The following FURIN variants were observed in gnomAD, a reference collection of about 807,000 sequenced individuals.
The protein encoded by FURIN is FES upstream region.
A neutral mutation model predicts 89.2 loss-of-function variants in FURIN; 18 were observed. The observed-to-expected ratio is 0.20, with a 90% CI of 0.14 to 0.30. The LOEUF (loss-of-function observed/expected upper bound fraction) is 0.30, where lower values mean the gene tolerates loss of function less well. FURIN is among the 10% of genes least tolerant of loss of function. FURIN has a pLI of 1.00. For missense variants in FURIN, 879 were observed against 1,100.5 expected, an observed-to-expected ratio of 0.80 and a Z score of 2.85; for synonymous variants, 508 against 466.4, an observed-to-expected ratio of 1.09 and a Z score of -1.15.
chr15:90,870,824 C>T lies in FURIN; in HGVS notation c.-160+2113C>T, dbSNP rs140531037. On this transcript the variant is annotated intron_variant, in intron 1 of 15. Transcript: ENST00000268171. ...GCGCAAATTATTTAAACGTTGTGCG[C>T]CTCAGTTTCCTTATCTGTAAAATGG... is the stretch of plus-strand genomic sequence containing the variant. 2.1e-3 allele frequency among the ~76,000 whole-genome samples: 316 copies of T among 152,232 alleles called. 2 individuals carry two copies. Among genetic ancestry groups the T allele is most frequent in the African/African-American group, 7.2e-3 (299 of 41,514 alleles).
At chr15:90,871,173 A>T (rs1441219875) in intron 1 of FURIN, among the ~76,000 whole-genome samples, 1 of 152,098 alleles carries the variant, frequency 6.6e-6, no homozygotes, top group Non-Finnish European at 1.5e-5. Context: ...TTCGTCGCCC[A>T]GGAGTGGGGA....
In FURIN at chr15:90,876,241, C is replaced by T. The variant is rs766032406; in HGVS notation, c.178-14C>T. The T allele has an allele frequency of 3.9e-6, 6 of 1,553,800 alleles. No homozygotes were observed. Among genetic ancestry groups the T allele is most frequent in the East Asian group, 2.2e-5 (1 of 44,624 alleles). On this transcript the variant is annotated splice_polypyrimidine_tract_variant and intron_variant, in intron 2 of 15. Transcript: ENST00000268171. The surrounding 1 kb of genome is among the most constrained non-coding windows in gnomAD (Gnocchi z 5.0). ...AGATGGAAAGCCCAGCTCAGTCTCC[C>T]TGCTCTATTGCAGATCTTCGGGGAC...
chr15:90,876,286 G>A lies in FURIN; in HGVS notation c.209G>A (p.Arg70Gln). 6.2e-7 allele frequency: 1 copy of A among 1,612,046 alleles called. No individual in the cohort carries two copies. The highest frequency in any genetic ancestry group is 8.5e-7 in the Non-Finnish European group (1 of 1,178,388). ...IFGDYYHFWHRGVTKRSLSPH... is the reference protein window; with the variant it reads ...IFGDYYHFWHQGVTKRSLSPH... ...GGGGACTATTACCACTTCTGGCATC[G>A]AGGAGTGACGAAGCGGTCCCTGTCG... is the stretch of plus-strand genomic sequence containing the variant. The change falls in exon 3 of 16, where the codon CGA becomes CAA. Residue 70 changes from arginine to glutamine, a missense_variant. By Grantham distance (43) the Arg-to-Gln change is conservative. Coordinates refer to ENST00000268171, the MANE Select transcript of FURIN (RefSeq NM_002569.4). This position sits in a 1 kb window ranked among gnomAD's most constrained non-coding sequence, Gnocchi z 5.0.
In FURIN at chr15:90,876,495, C is replaced by A. The variant is rs374973196; in HGVS notation, c.310C>A (p.Arg104=). 6.2e-7 allele frequency: 1 copy of A among 1,613,876 alleles called. No homozygotes were observed. Among genetic ancestry groups the A allele is most frequent in the African/African-American group, 1.3e-5 (1 of 75,006 alleles). Residue 104 remains arginine (R), a synonymous_variant, in exon 4 of 16, where the codon CGG becomes AGG. Transcript: ENST00000268171. This position sits in a 1 kb window ranked among gnomAD's most constrained non-coding sequence, Gnocchi z 5.0. ...GCTGGAACAGCAGGTGGCAAAGCGA[C>A]GGACTAAACGGGACGTGTACCAGGA... ...QWLEQQVAKR[R]TKRDVYQEPT... is the part of the protein sequence containing the mutation.
At chr15:90,875,361 A>G (rs4526996) in intron 1 of FURIN, among the ~76,000 whole-genome samples, 10,892 of 152,108 alleles carry the variant, frequency 0.072, 544 homozygotes, top group Non-Finnish European at 0.11. Flanking sequence ...ATATTCTTGC[A>G]TGGAGAAAGG....
chr15:90,878,232 C>T lies in FURIN; in HGVS notation c.768C>T (p.Pro256=), dbSNP rs143799270. The change falls in exon 8 of 16, where the codon CCC becomes CCT. Residue 256 remains proline (P), a synonymous_variant. Transcript: ENST00000268171. ...HIHIYSASWG[P]EDDGKTVDGP... The stretch of plus-strand genomic sequence containing the variant: ...ACATCTACAGTGCCAGCTGGGGCCC[C>T]GAGGATGACGGCAAGACAGTGGATG... The T allele has an allele frequency of 1.9e-4, 306 of 1,613,716 alleles. 1 individual carries two copies. The African/African-American group carries it at 3.5e-3, about 18-fold the overall frequency.
rs2151225327 is a variant in FURIN, at chr15:90,878,321, T to G, written c.840+17T>G. The G allele has an allele frequency of 6.4e-7, 1 of 1,560,558 alleles. No individual in the cohort carries two copies. The highest frequency in any genetic ancestry group is 8.7e-7 in the Non-Finnish European group (1 of 1,150,736). On this transcript the variant is annotated intron_variant, in intron 8 of 15. Transcript: ENST00000268171. ...GTTAGCCAGGTGAGGTGGGGATCTG[T>G]CCAGCCCCTGCGGGCAGGTTGGGTG...
Position 90,876,387 on chromosome 15 carries a change from C to T in FURIN, c.276+34C>T. The T allele has an allele frequency of 6.6e-7, 1 of 1,522,016 alleles. No homozygotes were observed. Among genetic ancestry groups the T allele is most frequent in the Non-Finnish European group, 9.1e-7 (1 of 1,096,294 alleles). 94.3% of individuals were successfully genotyped at this position (1,522,016 alleles called of 1,614,324 possible). A position where few individuals can be genotyped will look rare whatever the true frequency, so the allele number is the denominator to read the frequency against. Reference sequence around the variant, plus strand: ...GGCCCCAGCCCCCTCCTGCTGCCACCCTCCCCCTCCTGCTCTCAGGAGCCC... The same window carrying T: ...GGCCCCAGCCCCCTCCTGCTGCCACTCTCCCCCTCCTGCTCTCAGGAGCCC... On this transcript the variant is annotated intron_variant, in intron 3 of 15. Transcript: ENST00000268171. The surrounding 1 kb of genome is among the most constrained non-coding windows in gnomAD (Gnocchi z 5.0).
intron 1 of FURIN, among the ~76,000 whole-genome samples, chr15:90,873,436 A>G (rs998137554): frequency 3.9e-5 from 6 of 152,124 alleles, no homozygotes; most frequent in Non-Finnish European, 8.8e-5. Flanking sequence ...ACCCAGATGA[A>G]CCCAGCCTCG....
chr15:90,871,810 C>G (rs1316803911), intron 1 of FURIN, among the ~76,000 whole-genome samples: 1 of 149,704 alleles, frequency 6.7e-6, no homozygotes, highest in Non-Finnish European at 1.5e-5. Flanking sequence ...TGCCCGCCGG[C>G]TTTCCGGAAC....
At chr15:90,879,837 C>T in intron 11 of FURIN, 30 bp from the exon 12 acceptor site, 1 of 1,605,570 alleles carries the variant, frequency 6.2e-7, no homozygotes, top group Non-Finnish European at 8.5e-7. Flanking sequence ...CTGTGCCTGA[C>T]AGCTGACCCT....
chr15:90,880,889 A>G, intron 14 of FURIN, 41 bp from the exon 15 acceptor site: 2 of 1,611,316 alleles, frequency 1.2e-6, no homozygotes, highest in Non-Finnish European at 8.5e-7. Context: ...GTGTGGTGCC[A>G]GCACTGTCTT....
chr15:90,879,544 A>G lies in FURIN; in HGVS notation c.1154A>G (p.Asn385Ser). 1 of 1,606,848 alleles carries G rather than the reference A, an allele frequency of 6.2e-7. No individual in the cohort carries two copies. ...ATCATTGCTCTCACCCTGGAGGCCAAGTAAGTGGGTGGGGGCCAGCGGCAA... is the reference window on the plus strand; with the variant it reads ...ATCATTGCTCTCACCCTGGAGGCCAGGTAAGTGGGTGGGGGCCAGCGGCAA... ...AGIIALTLEA[N>S]KNLTWRDMQH... The change falls in exon 10 of 16, where the codon AAT becomes AGT. Residue 385 changes from asparagine (N) to serine (S), a missense_variant and splice_region_variant. Asn to Ser is a conservative substitution (Grantham distance 46). Transcript: ENST00000268171.
chr15:90,872,306 C>T (rs920701109), intron 1 of FURIN, among the ~76,000 whole-genome samples: 5 of 152,164 alleles, frequency 3.3e-5, no homozygotes, highest in African/African-American at 4.8e-5. Context: ...AAGGGGCGGC[C>T]TGCTTGCCAG....
chr15:90,878,847 C>T lies in FURIN; in HGVS notation c.924C>T (p.Tyr308=). 2 of 1,611,106 alleles carry T rather than the reference C, an allele frequency of 1.2e-6. No homozygotes were observed. Among genetic ancestry groups the T allele is most frequent in the Non-Finnish European group, 1.7e-6 (2 of 1,178,662 alleles). Residue 308 remains tyrosine, a synonymous_variant, in exon 9 of 16, where the codon TAC becomes TAT. Coordinates refer to ENST00000268171, the MANE Select transcript of FURIN (RefSeq NM_002569.4). ...REHDSCNCDG[Y]TNSIYTLSIS... is the part of the protein sequence containing the mutation. Reference sequence around the variant, plus strand: ...ATGACAGCTGCAACTGCGACGGCTACACCAACAGTATCTACACGCTGTCCA... The same window carrying T: ...ATGACAGCTGCAACTGCGACGGCTATACCAACAGTATCTACACGCTGTCCA...
rs1358088629 is a variant in FURIN at position 90,882,075 on chromosome 15, G to A, written c.*197G>A. ...GACCAGCTGGGGCGTGGGGAGGGCC[G>A]TACCCCACCCTCAGCACCCCTTCCA... On this transcript the variant is annotated 3_prime_UTR_variant, in exon 16 of 16. Transcript: ENST00000268171. 2.3e-5 allele frequency: 13 copies of A among 573,206 alleles called. No individual in the cohort carries two copies. Among genetic ancestry groups the A allele is most frequent in the South Asian group, 6.2e-5 (3 of 48,296 alleles). The allele number at this position is 573,206 out of a possible 1,614,324, so 35.5% of individuals were successfully genotyped here. A position where few individuals can be genotyped will look rare whatever the true frequency, so the allele number is the denominator to read the frequency against.
intron 7 of FURIN, 79 bp downstream of exon 7, chr15:90,877,694 A>T: frequency 1.0e-6 from 1 of 978,314 alleles, no homozygotes. Context: ...CATCTGGCCA[A>T]TGCCTGCCAC....
intron 1 of FURIN, among the ~76,000 whole-genome samples, chr15:90,872,147 G>T (rs1040217774): frequency 4.6e-5 from 7 of 151,448 alleles, no homozygotes; most frequent in Admixed American, 4.6e-4. Flanking sequence ...GGGCTCCTTC[G>T]CTTGGGCCTC....
chr15:90,880,128 G>T lies in FURIN; in HGVS notation c.1411G>T (p.Val471Leu). Reference protein sequence around the residue: ...IGKRLEVRKTVTACLGEPNHI... With the variant: ...IGKRLEVRKTLTACLGEPNHI... The stretch of plus-strand genomic sequence containing the variant: ...GAAACGGCTCGAGGTGCGGAAGACC[G>T]TGACCGCGTGCCTGGGCGAGCCCAA... Residue 471 changes from valine to leucine, a missense_variant, in exon 13 of 16, where the codon GTG (valine) becomes TTG (leucine). Val to Leu is a conservative substitution (Grantham distance 32). Coordinates refer to ENST00000268171, the MANE Select transcript of FURIN (RefSeq NM_002569.4). The T allele has an allele frequency of 6.2e-7, 1 of 1,608,750 alleles. No individual in the cohort carries two copies. The highest frequency in any genetic ancestry group is 8.5e-7 in the Non-Finnish European group (1 of 1,176,918).
Sources: allele counts gnomAD v4.1 joint callset (sites outside exome capture counted in the v4.1 genomes callset), GRCh38; gene constraint gnomAD v4.1.1; non-coding constraint Gnocchi (gnomAD v3.1); transcripts MANE v1.5; gene names NCBI Gene and HGNC (gene_info 2026-07-23, HGNC 2026-07-21).